FNBP4: variants seen among roughly 807,000 people sequenced by gnomAD.
FNBP4 encodes the protein formin binding protein 4.
FNBP4 carries 34 observed loss-of-function variants against 119.3 expected under a neutral mutation model. The observed-to-expected ratio is 0.28, with a 90% CI of 0.22 to 0.38. The LOEUF (loss-of-function observed/expected upper bound fraction) is 0.38, where lower values mean the gene tolerates loss of function less well. Among genes scored for constraint, FNBP4 ranks in the 10% least tolerant of loss-of-function variants. The probability of loss-of-function intolerance (pLI) is 1.00; values close to 1 mark genes in which losing one functional copy is unlikely to be tolerated. For synonymous variants in FNBP4, 462 were observed against 430.6 expected (o/e 1.07, Z -0.90); for missense variants, 1,112 against 1,228.9 (o/e 0.90, Z 1.42).
chr11:47,718,298 C>T (rs1475995807), intron 16 of FNBP4, among the ~76,000 whole-genome samples: 1 of 152,118 alleles, frequency 6.6e-6, no homozygotes, highest in Non-Finnish European at 1.5e-5. Context: ...ACTGCAACCT[C>T]TGCCTCCTAG....
intron 2 of FNBP4, among the ~76,000 whole-genome samples, chr11:47,758,497 T>C (rs2097624964): frequency 6.6e-6 from 1 of 152,140 alleles, no homozygotes; most frequent in Non-Finnish European, 1.5e-5. Context: ...CCACCTCGTC[T>C]GACCACAAAA....
chr11:47,729,521 T>A, intron 12 of FNBP4: 1 of 985,128 alleles, frequency 1.0e-6, no homozygotes, highest in Non-Finnish European at 1.2e-6. Context: ...CCCCACTTTA[T>A]TTTTGAGACA....
intron 1 of FNBP4, 42 bp from the exon 2 acceptor site, chr11:47,765,404 G>GAAAAGAA (rs780472152): frequency 7.3e-7 from 1 of 1,363,798 alleles, no homozygotes; most frequent in Non-Finnish European, 1.0e-6. Context: ...GAAAAGAAAA[G>GAAAAGAA]AAAAGAAAAG....
chr11:47,750,051 A>G (rs2097598844), intron 6 of FNBP4, among the ~76,000 whole-genome samples: 1 of 152,032 alleles, frequency 6.6e-6, no homozygotes, highest in Non-Finnish European at 1.5e-5. Context: ...CAATGATCCA[A>G]GAGGCCTCTG....
chr11:47,729,726 G>A, intron 12 of FNBP4: 23 of 985,342 alleles, frequency 2.3e-5, no homozygotes, highest in Non-Finnish European at 2.7e-5. Flanking sequence ...GCTGTGTTTT[G>A]TTTTTTCTCT....
At chr11:47,764,999 T>C (rs1156678911) in intron 2 of FNBP4, among the ~76,000 whole-genome samples, 2 of 151,722 alleles carry the variant, frequency 1.3e-5, no homozygotes, top group Non-Finnish European at 2.9e-5. Context: ...ACCAAGCTAG[T>C]GGGAGGACCA....
chr11:47,730,939 G>A (rs2097566649), intron 12 of FNBP4, among the ~76,000 whole-genome samples: 1 of 152,084 alleles, frequency 6.6e-6, no homozygotes, highest in African/African-American at 2.4e-5. Context: ...TACCAACCAC[G>A]CTTTTTGTAA....
At chr11:47,726,979 C>T (rs903980898) in intron 12 of FNBP4, 5 of 152,316 alleles carry the variant, frequency 3.3e-5, no homozygotes, top group African/African-American at 1.2e-4. Flanking sequence ...AACACCACTG[C>T]ACTCGGACCA....
intron 12 of FNBP4, chr11:47,725,107 T>A (rs1044187483): frequency 5.3e-6 from 1 of 189,638 alleles, no homozygotes; most frequent in Non-Finnish European, 1.1e-5. Context: ...TATGGATGAG[T>A]AGAAGAATAT....
At chr11:47,755,204 C>CT (rs1474603399) in intron 2 of FNBP4, among the ~76,000 whole-genome samples, 2 of 150,240 alleles carry the variant, frequency 1.3e-5, no homozygotes, top group African/African-American at 4.9e-5. Context: ...AATCCCAGCA[C>CT]TTTGGGAGGC....
chr11:47,734,250 C>T (rs1027219724), intron 9 of FNBP4, 121 bp from the exon 10 acceptor site: 3 of 497,214 alleles, frequency 6.0e-6, no homozygotes, highest in Non-Finnish European at 1.0e-5. Flanking sequence ...ACAGCCTTCC[C>T]CAAACAGCTG....
At chr11:47,755,786 C>T (rs148629715) in intron 2 of FNBP4, among the ~76,000 whole-genome samples, 1 of 151,658 alleles carries the variant, frequency 6.6e-6, no homozygotes, top group East Asian at 1.9e-4. Context: ...GTGAGACTGA[C>T]CATGTCTCCA....
At chr11:47,722,055 G>GAAAAAAAAAAAAAAA (rs370004936) in intron 15 of FNBP4, among the ~76,000 whole-genome samples, 1 of 53,330 alleles carries the variant, frequency 1.9e-5, no homozygotes, top group African/African-American at 5.4e-5. Flanking sequence ...AAAAAAAAAG[G>GAAAAAAAAAAAAAAA]AAAAAAAAAT....
chr11:47,723,217 C>G lies in FNBP4; in HGVS notation c.2564G>C (p.Gly855Ala). ...AAGGTAATTTGACTGCAGGCTCATTCCTCTGGCCTGATGACCCATTCCTGC... is the reference window on the plus strand; with the variant it reads ...AAGGTAATTTGACTGCAGGCTCATTGCTCTGGCCTGATGACCCATTCCTGC... ...PAAGMGHQARGMSLQSNYLGL... is the reference protein window; with the variant it reads ...PAAGMGHQARAMSLQSNYLGL... Residue 855 changes from glycine to alanine, a missense_variant, in exon 15 of 17, where the codon GGA becomes GCA. Transcript: ENST00000263773. 6.2e-7 allele frequency: 1 copy of G among 1,614,154 alleles called. No homozygotes were observed. The highest frequency in any genetic ancestry group is 8.5e-7 in the Non-Finnish European group (1 of 1,180,032).
At chr11:47,724,224 C>A in intron 13 of FNBP4, 52 bp from the exon 14 acceptor site, 1 of 1,594,254 alleles carries the variant, frequency 6.3e-7, no homozygotes, top group Non-Finnish European at 8.5e-7. Context: ...TTAAACATAG[C>A]CCGCTCCCAC....
At chr11:47,762,906 CAA>C (rs56659957) in intron 2 of FNBP4, among the ~76,000 whole-genome samples, 4 of 100,638 alleles carry the variant, frequency 4.0e-5, no homozygotes, top group African/African-American at 8.9e-5. Context: ...ACTCTGATTC[CAA>C]AAAAAAAAAA....
chr11:47,742,538 A>T (rs2097583778), intron 8 of FNBP4, among the ~76,000 whole-genome samples: 1 of 150,710 alleles, frequency 6.6e-6, no homozygotes, highest in South Asian at 2.1e-4. Context: ...AATAATGAAA[A>T]GATAAAGAGG....
chr11:47,719,758 T>C (rs528976643), intron 16 of FNBP4, among the ~76,000 whole-genome samples, 171 bp downstream of exon 16: 1 of 152,134 alleles, frequency 6.6e-6, no homozygotes, highest in Non-Finnish European at 1.5e-5. Context: ...ATAATTTCTA[T>C]AAGGAATTAA....
At chr11:47,763,957 T>G (rs945314398) in intron 2 of FNBP4, among the ~76,000 whole-genome samples, 1 of 152,140 alleles carries the variant, frequency 6.6e-6, no homozygotes, top group Non-Finnish European at 1.5e-5. Flanking sequence ...CTCTTATGGC[T>G]TGAATGTGCC....
Sources: gnomAD v4.1 joint callset for allele counts (sites outside exome capture counted in the v4.1 genomes callset) on GRCh38, gnomAD v4.1.1 for gene constraint, MANE v1.5 for transcripts, NCBI Gene and HGNC (gene_info 2026-07-23, HGNC 2026-07-21) for gene names.